Variants in KDM4B observed in about 807,000 individuals in gnomAD.
KDM4B encodes the protein lysine demethylase 4B.
A neutral mutation model predicts 125.2 loss-of-function variants in KDM4B; 32 were observed. That is an observed-to-expected ratio of 0.26 (90% CI 0.19 to 0.34). The LOEUF is 0.34. KDM4B is among the 10% of genes least tolerant of loss of function. The pLI, the probability that KDM4B is intolerant of heterozygous loss-of-function variation, is 1.00. For missense variants in KDM4B, 1,190 were observed against 1,577.7 expected (o/e 0.75, Z 4.16); for synonymous variants, 721 against 677.9 (o/e 1.06, Z -0.99).
chr19:5,145,036 G>T (rs553265621), intron 21 of KDM4B, 134 bp downstream of exon 21: 1,500 of 1,172,430 alleles, frequency 1.3e-3, no homozygotes, highest in Non-Finnish European at 1.7e-3. Flanking sequence ...GGTTAGTGAG[G>T]CCCGCAGGAC....
intron 9 of KDM4B, among the ~76,000 whole-genome samples, chr19:5,091,844 G>C (rs1288935074): frequency 6.6e-6 from 1 of 152,218 alleles, no homozygotes; most frequent in African/African-American, 2.4e-5. Context: ...CCTGTGCCCT[G>C]CCTTTGGCTT....
rs1353755896 is a variant in KDM4B, at chr19:5,114,755, G to A, written c.1115+3937G>A. The stretch of plus-strand genomic sequence containing the variant: ...TTGTGAGAAGCCCTGAGCCAGCGCG[G>A]CACTGAATGCTGATGGTCCCACTCT... On this transcript the variant is annotated intron_variant, in intron 10 of 22. Transcript: ENST00000159111. The surrounding 1 kb of genome is among the most constrained non-coding windows in gnomAD (Gnocchi z 5.8). 1.3e-5 allele frequency among the ~76,000 whole-genome samples: 2 copies of A among 152,230 alleles called. No individual in the cohort carries two copies. The highest frequency in any genetic ancestry group is 4.8e-5 in the African/African-American group (2 of 41,452).
rs537406560 is a variant in KDM4B, at chr19:5,080,064, A to G, written c.781-2303A>G. 2.0e-4 allele frequency among the ~76,000 whole-genome samples: 30 copies of G among 151,764 alleles called. No homozygotes were observed. The South Asian group carries it at 6.2e-3, about 32-fold the overall frequency. On this transcript the variant is annotated intron_variant, in intron 8 of 22. Coordinates refer to ENST00000159111, the MANE Select transcript of KDM4B (RefSeq NM_015015.3). The stretch of plus-strand genomic sequence containing the variant: ...CCACGTGTGTTCCCCCCCCACCCCT[A>G]TTTTCTGCCGCGTGCTCGTTCTGCT...
At chr19:4,996,940 G>A (rs1173314840) in intron 1 of KDM4B, among the ~76,000 whole-genome samples, 2 of 151,858 alleles carry the variant, frequency 1.3e-5, no homozygotes, top group Non-Finnish European at 2.9e-5. Flanking sequence ...TGCATGCCAG[G>A]AGCACCCCCT....
intron 6 of KDM4B, among the ~76,000 whole-genome samples, chr19:5,056,846 T>C (rs986014966): frequency 1.4e-5 from 1 of 70,554 alleles, no homozygotes; most frequent in African/African-American, 5.4e-5. Flanking sequence ...AGCCCTGGGG[T>C]GGGGACCCTG....
intron 7 of KDM4B, among the ~76,000 whole-genome samples, chr19:5,071,933 T>A (rs1028790402): frequency 6.6e-6 from 1 of 152,218 alleles, no homozygotes; most frequent in Non-Finnish European, 1.5e-5. Flanking sequence ...TCCTCCGCAT[T>A]GGCAGGTGGA....
rs1252680715 is a variant in KDM4B at position 5,047,684 on chromosome 19, T to C, written c.626+15T>C. The C allele has an allele frequency of 6.2e-7, 1 of 1,610,630 alleles. No individual in the cohort carries two copies. The highest frequency in any genetic ancestry group is 2.2e-5 in the East Asian group (1 of 44,822). On this transcript the variant is annotated intron_variant, in intron 6 of 22. Transcript: ENST00000159111. ...CCTAAGTCCTGGTGAGTGTCTGCAC[T>C]GGCCCTGCCGCCGGCCGGACCGAGA...
chr19:5,134,582 T>C (rs1187571822), intron 14 of KDM4B, among the ~76,000 whole-genome samples: 1 of 152,142 alleles, frequency 6.6e-6, no homozygotes, highest in Non-Finnish European at 1.5e-5. Context: ...AGCCCAGCCG[T>C]TTTCCTCGGA....
intron 8 of KDM4B, chr19:5,080,777 C>G (rs1225136812): frequency 6.6e-6 from 1 of 152,150 alleles, no homozygotes; most frequent in Non-Finnish European, 1.5e-5. Context: ...CACGAGAGCC[C>G]CAAACTGGAA....
At chr19:5,042,852 A>C (rs2036867100) in intron 5 of KDM4B, among the ~76,000 whole-genome samples, 1 of 151,662 alleles carries the variant, frequency 6.6e-6, no homozygotes, top group South Asian at 2.1e-4. Context: ...GCAGTTCCAC[A>C]GACTCAAGTC....
Position 5,131,358 on chromosome 19 carries a change from C to T in KDM4B, c.1598C>T (p.Pro533Leu), listed in dbSNP as rs142952972. 64 of 1,611,898 alleles carry T rather than the reference C, an allele frequency of 4.0e-5. No individual in the cohort carries two copies. Among genetic ancestry groups the T allele is most frequent in the Non-Finnish European group, 4.8e-5 (57 of 1,179,814 alleles). ...RPIIPMLYVV[P>L]RPGKAAFNQE... ...ATCATCCCCATGCTGTACGTGGTGC[C>T]GCGGCCGGGCAAGGCAGCCTTCAAC... The change falls in exon 12 of 23, where the codon CCG (proline) becomes CTG (leucine). Residue 533 changes from proline to leucine, a missense_variant. Around this residue, in one of 7 missense-constraint regions of KDM4B, gnomAD observed 428 missense variants for 405.1 expected, o/e 1.06. Transcript: ENST00000159111.
chr19:5,098,913 T>C (rs1253187748), intron 9 of KDM4B, among the ~76,000 whole-genome samples: 2 of 152,238 alleles, frequency 1.3e-5, no homozygotes, highest in Non-Finnish European at 2.9e-5. Context: ...TTATGGTATT[T>C]TGTTTCAATA....
intron 3 of KDM4B, among the ~76,000 whole-genome samples, chr19:5,033,369 C>T (rs904438574): frequency 1.8e-4 from 27 of 152,116 alleles, no homozygotes; most frequent in African/African-American, 5.1e-4. Context: ...CACTGAGGGA[C>T]GCCTTCCAGG....
In KDM4B at chr19:5,054,598, A is replaced by G. The variant is rs371104207; in HGVS notation, c.626+6929A>G. On this transcript the variant is annotated intron_variant, in intron 6 of 22. Transcript: ENST00000159111. ...AGTCTGGCCCCCTGGGACTCTGCCC[A>G]GAAGACGAGACCTGGGAGTCTGCTG... Among the ~76,000 whole-genome samples, 9 of 152,366 alleles carry G rather than the reference A, an allele frequency of 5.9e-5. No homozygotes were observed. In the East Asian group the frequency reaches 1.5e-3, roughly 26 times the overall value.
chr19:4,981,294 C>T (rs549365327), intron 1 of KDM4B, among the ~76,000 whole-genome samples: 10 of 152,172 alleles, frequency 6.6e-5, no homozygotes, highest in South Asian at 2.1e-4. Flanking sequence ...CACCAGGGCC[C>T]GACGGCTGTC....
chr19:5,003,294 G>A (rs1296511611), intron 1 of KDM4B, among the ~76,000 whole-genome samples: 1 of 152,114 alleles, frequency 6.6e-6, no homozygotes, highest in Non-Finnish European at 1.5e-5. Context: ...TTCGAGACCA[G>A]CCTGACTAAC....
intron 1 of KDM4B, among the ~76,000 whole-genome samples, chr19:4,993,986 C>T (rs1485238712): frequency 2.8e-5 from 4 of 140,864 alleles, no homozygotes; most frequent in Non-Finnish European, 6.2e-5. Flanking sequence ...TTCCTGTTTG[C>T]ATGTTACACG....
chr19:5,017,064 T>C (rs537190031), intron 2 of KDM4B, among the ~76,000 whole-genome samples: 2 of 152,332 alleles, frequency 1.3e-5, no homozygotes, highest in Non-Finnish European at 2.9e-5. Context: ...AAGGCTGCCT[T>C]GTGCGGCGTC....
At chr19:5,080,241 T>C (rs1300495196) in intron 8 of KDM4B, among the ~76,000 whole-genome samples, 1 of 152,264 alleles carries the variant, frequency 6.6e-6, no homozygotes, top group Admixed American at 6.5e-5. Context: ...TTGATTGATG[T>C]CTGACGCCGT....
Sources: gnomAD v4.1 joint callset for allele counts (sites outside exome capture counted in the v4.1 genomes callset) on GRCh38, gnomAD v4.1.1 for gene constraint, gnomAD v4.1.1 regional missense constraint, Gnocchi (gnomAD v3.1) non-coding constraint, MANE v1.5 for transcripts, NCBI Gene and HGNC (gene_info 2026-07-23, HGNC 2026-07-21) for gene names.